ATP13A4: variants seen among roughly 807,000 people sequenced by gnomAD.
The protein encoded by ATP13A4 is ATPase 13A4, also known as probable cation-transporting ATPase 13A4.
ATP13A4 carries 114 observed loss-of-function variants against 142.5 expected under a neutral mutation model. The ratio of observed to expected loss-of-function variants is 0.80; its 90% CI spans 0.69 to 0.93. ATP13A4 has a LOEUF of 0.93. Among genes scored for constraint, ATP13A4 ranks in the 40% least tolerant of loss-of-function variants. The pLI is 0.00. For missense variants in ATP13A4, 1,392 were observed against 1,454.0 expected, an observed-to-expected ratio of 0.96 and a Z score of 0.69; for synonymous variants, 488 against 514.8, an observed-to-expected ratio of 0.95 and a Z score of 0.70.
intron 8 of ATP13A4, among the ~76,000 whole-genome samples, chr3:193,481,922 C>T (rs1015848643): frequency 6.6e-6 from 1 of 151,848 alleles, no homozygotes; most frequent in African/African-American, 2.4e-5. Context: ...CTAAAGAAAC[C>T]CCAGCATTTT....
upstream of ATP13A4, among the ~76,000 whole-genome samples, chr3:193,556,321 C>T (rs1269854860): frequency 6.6e-6 from 1 of 152,114 alleles, no homozygotes; most frequent in Non-Finnish European, 1.5e-5. Flanking sequence ...ATATCTCCAA[C>T]CTGACCCAAA....
At chr3:193,532,078 C>T (rs1181667674) in intron 1 of ATP13A4, among the ~76,000 whole-genome samples, 1 of 152,022 alleles carries the variant, frequency 6.6e-6, no homozygotes, top group African/African-American at 2.4e-5. Flanking sequence ...AAAGCAGATT[C>T]CAGAGTCATC....
At chr3:193,478,399 G>GA (rs1719093525) in intron 8 of ATP13A4, among the ~76,000 whole-genome samples, 1 of 151,708 alleles carries the variant, frequency 6.6e-6, no homozygotes, top group Non-Finnish European at 1.5e-5. Context: ...AAGAAAAGAA[G>GA]ACAGAAGATC....
chr3:193,588,393 CT>C (rs1401123918), intron 1 of ATP13A4, among the ~76,000 whole-genome samples: 4 of 152,310 alleles, frequency 2.6e-5, no homozygotes, highest in Admixed American at 1.3e-4. Flanking sequence ...TTGTAATCAG[CT>C]TTTCTATATT....
Position 193,522,298 on chromosome 3 carries a change from T to C in ATP13A4, c.61-7427A>G, listed in dbSNP as rs537332592. Among the ~76,000 whole-genome samples the C allele has an allele frequency of 8.5e-5, 13 of 152,336 alleles. No individual in the cohort carries two copies. In the East Asian group the frequency reaches 1.3e-3, roughly 16 times the overall value. ...AGGTAAGACCCTGCCCTGTAGATAA[T>C]TGCCCACACAAACTTGGGTTGAAGT... is the stretch of plus-strand genomic sequence containing the variant. On this transcript the variant is annotated intron_variant, in intron 1 of 29. Coordinates refer to ENST00000342695, the MANE Select transcript of ATP13A4 (RefSeq NM_032279.4).
chr3:193,412,073 A>T (rs1223285776), intron 27 of ATP13A4, 105 bp downstream of exon 27: 1 of 999,246 alleles, frequency 1.0e-6, no homozygotes, highest in Non-Finnish European at 1.6e-6. Context: ...AAGTCAAGAG[A>T]TGCTAGATAA....
chr3:193,428,521 G>T (rs532735393), intron 25 of ATP13A4, among the ~76,000 whole-genome samples: 27 of 152,192 alleles, frequency 1.8e-4, no homozygotes, highest in African/African-American at 6.3e-4. Context: ...ATTCACAATA[G>T]CAAAGACTTG....
chr3:193,437,103 C>CAAAA (rs1190025956), intron 23 of ATP13A4, among the ~76,000 whole-genome samples: 3 of 62,824 alleles, frequency 4.8e-5, no homozygotes, highest in African/African-American at 1.4e-4. Context: ...GACTCCGTCT[C>CAAAA]AAAAAAAAAA....
intron 1 of ATP13A4, among the ~76,000 whole-genome samples, chr3:193,538,068 G>A (rs1041437035): frequency 5.9e-5 from 9 of 152,142 alleles, no homozygotes; most frequent in African/African-American, 1.9e-4. Flanking sequence ...TTGTGATACT[G>A]TACTATAGTT....
chr3:193,473,302 A>C (rs1167191641), intron 8 of ATP13A4, among the ~76,000 whole-genome samples: 1 of 152,236 alleles, frequency 6.6e-6, no homozygotes, highest in African/African-American at 2.4e-5. Flanking sequence ...ACCATCAAAT[A>C]AAATAAGGAT....
intron 7 of ATP13A4, among the ~76,000 whole-genome samples, chr3:193,489,492 T>C (rs767825553): frequency 6.6e-6 from 1 of 152,154 alleles, no homozygotes; most frequent in Non-Finnish European, 1.5e-5. Flanking sequence ...TCTGGCTAAT[T>C]AGTCTTGAGT....
At chr3:193,478,864 C>A (rs535872483) in intron 8 of ATP13A4, among the ~76,000 whole-genome samples, 1 of 152,048 alleles carries the variant, frequency 6.6e-6, no homozygotes, top group Non-Finnish European at 1.5e-5. Context: ...ATGCAAAAAT[C>A]CTCAACAAAA....
intron 2 of ATP13A4, among the ~76,000 whole-genome samples, chr3:193,508,799 C>T (rs1405759288): frequency 6.6e-6 from 1 of 152,086 alleles, no homozygotes; most frequent in Non-Finnish European, 1.5e-5. Context: ...TGTGACATTC[C>T]ACTTTAGTAT....
At chr3:193,581,654 C>T (rs1462202865) in intron 2 of ATP13A4, 1 of 152,090 alleles carries the variant, frequency 6.6e-6, no homozygotes, top group African/African-American at 2.4e-5. Context: ...ATTGAGGCGC[C>T]TGAGACCTCT....
chr3:193,516,966 T>C (rs943187889), intron 1 of ATP13A4, among the ~76,000 whole-genome samples: 2 of 152,230 alleles, frequency 1.3e-5, no homozygotes, highest in Non-Finnish European at 2.9e-5. Flanking sequence ...TTGATAACAG[T>C]GCTAGCAGCT....
chr3:193,515,448 A>G (rs1269048068), intron 1 of ATP13A4, among the ~76,000 whole-genome samples: 1 of 152,248 alleles, frequency 6.6e-6, no homozygotes, highest in Non-Finnish European at 1.5e-5. Context: ...GTATTTGACC[A>G]TAAGAGGATT....
At chr3:193,458,021 T>C (rs2108636766) in intron 14 of ATP13A4, among the ~76,000 whole-genome samples, 1 of 152,316 alleles carries the variant, frequency 6.6e-6, no homozygotes, top group Non-Finnish European at 1.5e-5. Context: ...TCTCACTGAG[T>C]GGCTGACAAG....
intron 1 of ATP13A4, among the ~76,000 whole-genome samples, chr3:193,515,614 T>A (rs1721366784): frequency 6.6e-6 from 1 of 152,134 alleles, no homozygotes; most frequent in Non-Finnish European, 1.5e-5. Flanking sequence ...CACCAATGCG[T>A]CATGAGAGGA....
At chr3:193,432,828 T>C (rs1216229634) in intron 25 of ATP13A4, among the ~76,000 whole-genome samples, 1 of 152,034 alleles carries the variant, frequency 6.6e-6, no homozygotes, top group African/African-American at 2.4e-5. Flanking sequence ...GTGGGGAAGA[T>C]GACTAGGCAG....
Sources: gnomAD v4.1 joint callset for allele counts (sites outside exome capture counted in the v4.1 genomes callset) on GRCh38, gnomAD v4.1.1 for gene constraint, MANE v1.5 for transcripts, NCBI Gene and HGNC (gene_info 2026-07-23, HGNC 2026-07-21) for gene names.